Variants in TSHZ2 observed in about 807,000 individuals in gnomAD.
The protein encoded by TSHZ2 is teashirt homolog 2.
In TSHZ2, 21 loss-of-function variants were observed where a neutral mutation model predicts 74.4. The ratio of observed to expected loss-of-function variants is 0.28; its 90% CI spans 0.20 to 0.41. The LOEUF (loss-of-function observed/expected upper bound fraction) is 0.41. TSHZ2 is among the 10% of genes least tolerant of loss of function. The probability of loss-of-function intolerance (pLI) is 1.00; values close to 1 mark genes in which losing one functional copy is unlikely to be tolerated. For missense variants in TSHZ2, 1,244 were observed against 1,293.5 expected (o/e 0.96, Z 0.59); for synonymous variants, 540 against 515.3 (o/e 1.05, Z -0.65).
intron 1 of TSHZ2, among the ~76,000 whole-genome samples, chr20:53,102,909 G>A (rs1430957360): frequency 6.6e-6 from 1 of 151,286 alleles, no homozygotes; most frequent in African/African-American, 2.4e-5. Context: ...TAGGGTACAT[G>A]TGCCCATTGT....
chr20:53,092,535 A>C (rs891694489), intron 1 of TSHZ2, among the ~76,000 whole-genome samples: 1 of 152,208 alleles, frequency 6.6e-6, no homozygotes, highest in African/African-American at 2.4e-5. Flanking sequence ...AAAAGGAAAC[A>C]ATATTCCCTG....
At chr20:53,086,220 G>A (rs1237761614) in intron 1 of TSHZ2, among the ~76,000 whole-genome samples, 4 of 152,216 alleles carry the variant, frequency 2.6e-5, no homozygotes, top group African/African-American at 9.6e-5. Flanking sequence ...GGAGGGCGCT[G>A]GCATAGACCA....
intron 1 of TSHZ2, among the ~76,000 whole-genome samples, chr20:53,017,289 C>G (rs1046456992): frequency 1.2e-4 from 19 of 152,090 alleles, no homozygotes; most frequent in African/African-American, 4.6e-4. Flanking sequence ...CTGTTTTGAT[C>G]CCTAGTTTGC....
chr20:53,173,419 C>G (rs915941995), intron 1 of TSHZ2, among the ~76,000 whole-genome samples: 6 of 152,172 alleles, frequency 3.9e-5, no homozygotes, highest in African/African-American at 1.4e-4. Flanking sequence ...CCAGCCTGGT[C>G]AACATGGTGA....
At chr20:53,462,176 C>T (rs1174691770) in intron 2 of TSHZ2, among the ~76,000 whole-genome samples, 1 of 152,110 alleles carries the variant, frequency 6.6e-6, no homozygotes, top group Non-Finnish European at 1.5e-5. Flanking sequence ...ATCACTTGAA[C>T]CTGGGAGGCG....
chr20:53,472,501 A>G (rs1197224996), intron 2 of TSHZ2, among the ~76,000 whole-genome samples: 1 of 152,170 alleles, frequency 6.6e-6, no homozygotes, highest in African/African-American at 2.4e-5. Context: ...GAAAGGTTTT[A>G]TTGAAGTAGT....
rs11476117 is a variant in TSHZ2 at position 53,293,700 on chromosome 20, C to CAAA, written c.*8+37145_*8+37147dup. On this transcript the variant is annotated intron_variant, in intron 2 of 2. Coordinates refer to ENST00000371497, the MANE Select transcript of TSHZ2 (RefSeq NM_173485.6). ...CTGGTAAATTTTAACAACTGGCTCT[C>CAAA]AAAAAAAAAAAAAAAAAAGAAAAGA... Among the ~76,000 whole-genome samples, 212 of 120,226 alleles carry CAAA rather than the reference C, an allele frequency of 1.8e-3. 1 individual carries two copies. In the East Asian group the frequency reaches 0.04, roughly 23 times the overall value. The allele number at this position is 120,226 out of a possible 152,430, so 78.9% of individuals were successfully genotyped here.
At chr20:53,109,350 C>T (rs1007654718) in intron 1 of TSHZ2, among the ~76,000 whole-genome samples, 4 of 152,160 alleles carry the variant, frequency 2.6e-5, no homozygotes, top group Non-Finnish European at 5.9e-5. Flanking sequence ...ATCTGTCTGT[C>T]GGTCTCTCCG....
At chr20:53,244,929 CA>C (rs1990166278) in intron 1 of TSHZ2, among the ~76,000 whole-genome samples, 1 of 152,172 alleles carries the variant, frequency 6.6e-6, no homozygotes, top group Non-Finnish European at 1.5e-5. Flanking sequence ...TTATGGATGA[CA>C]CATAAACAAA....
Position 53,323,563 on chromosome 20 carries a change from C to CTTTTTTTTT in TSHZ2, c.*8+67016_*8+67024dup, listed in dbSNP as rs34687825. 3.9e-3 allele frequency among the ~76,000 whole-genome samples: 143 copies of CTTTTTTTTT among 36,676 alleles called. 42 individuals carry two copies. Among genetic ancestry groups the CTTTTTTTTT allele is most frequent in the African/African-American group, 5.6e-3 (48 of 8,554 alleles). 24.1% of individuals were successfully genotyped at this position (36,676 alleles called of 152,430 possible). On this transcript the variant is annotated intron_variant, in intron 2 of 2. Coordinates refer to ENST00000371497, the MANE Select transcript of TSHZ2 (RefSeq NM_173485.6). Reference sequence around the variant, plus strand: ...CACCCGTTTTCATTGCCTTGGAGGGCTTTTTTTTTTTTTTTTTTTTTTTTT... The same window carrying CTTTTTTTTT: ...CACCCGTTTTCATTGCCTTGGAGGGCTTTTTTTTTTTTTTTTTTTTTTTTTTTTTTTTTT...
intron 1 of TSHZ2, among the ~76,000 whole-genome samples, chr20:53,012,633 G>A (rs1982893606): frequency 6.6e-6 from 1 of 151,822 alleles, no homozygotes; most frequent in Non-Finnish European, 1.5e-5. Flanking sequence ...TCTTCAACAG[G>A]CCCCCTTTAC....
chr20:53,458,428 C>T (rs1426109765), intron 2 of TSHZ2, among the ~76,000 whole-genome samples: 5 of 152,120 alleles, frequency 3.3e-5, no homozygotes, highest in Non-Finnish European at 5.9e-5. Flanking sequence ...TTTTTTATTA[C>T]ATCTATTTGA....
At chr20:53,154,994 AAAAAT>A (rs1288422347) in intron 1 of TSHZ2, among the ~76,000 whole-genome samples, 1 of 152,144 alleles carries the variant, frequency 6.6e-6, no homozygotes, top group African/African-American at 2.4e-5. Context: ...AAGTTGAAAA[AAAAAT>A]AGTTAATATG....
chr20:53,358,065 C>T (rs1312512759), intron 2 of TSHZ2, among the ~76,000 whole-genome samples: 6 of 152,140 alleles, frequency 3.9e-5, no homozygotes, highest in South Asian at 2.1e-4. Context: ...TTCACATGGA[C>T]GACCGCAAAC....
chr20:53,242,862 A>G (rs1990104966), intron 1 of TSHZ2, among the ~76,000 whole-genome samples: 1 of 152,170 alleles, frequency 6.6e-6, no homozygotes, highest in African/African-American at 2.4e-5. Flanking sequence ...TATCCAACAA[A>G]CACTTGAACA....
intron 1 of TSHZ2, among the ~76,000 whole-genome samples, chr20:53,184,427 G>T (rs1026162577): frequency 1.3e-5 from 2 of 152,078 alleles, no homozygotes; most frequent in Non-Finnish European, 2.9e-5. Context: ...TTGTTTTTCT[G>T]AGCATTTTAC....
chr20:53,246,561 A>G (rs989679610), intron 1 of TSHZ2, among the ~76,000 whole-genome samples: 3 of 152,024 alleles, frequency 2.0e-5, no homozygotes, highest in Admixed American at 1.3e-4. Flanking sequence ...TCAGCATCCA[A>G]CTTCTCTCCA....
chr20:53,471,558 T>C (rs894133949), intron 2 of TSHZ2, among the ~76,000 whole-genome samples: 13 of 152,186 alleles, frequency 8.5e-5, no homozygotes, highest in Non-Finnish European at 1.3e-4. Context: ...AGAAAAGACT[T>C]ATTTGAGAAA....
intron 2 of TSHZ2, among the ~76,000 whole-genome samples, chr20:53,373,616 G>A (rs1232034941): frequency 6.6e-6 from 1 of 152,196 alleles, no homozygotes; most frequent in Non-Finnish European, 1.5e-5. Context: ...GGGTGGAAGT[G>A]ATGAGAAATA....
Sources: gnomAD v4.1 joint callset for allele counts (sites outside exome capture counted in the v4.1 genomes callset) on GRCh38, gnomAD v4.1.1 for gene constraint, MANE v1.5 for transcripts, NCBI Gene and HGNC (gene_info 2026-07-23, HGNC 2026-07-21) for gene names.